SENP7: variants seen among roughly 807,000 people sequenced by gnomAD.
SENP7 encodes SUMO specific peptidase 7.
A neutral mutation model predicts 141.2 loss-of-function variants in SENP7; 64 were observed. The observed-to-expected ratio is 0.45, with a 90% CI of 0.37 to 0.56. The LOEUF (loss-of-function observed/expected upper bound fraction) is 0.56, where lower values mean the gene tolerates loss of function less well. SENP7 is among the 20% of genes least tolerant of loss of function. The pLI is 0.00. For synonymous variants in SENP7, 382 were observed against 426.4 expected (o/e 0.90, Z 1.28); for missense variants, 1,025 against 1,212.2 (o/e 0.85, Z 2.29).
At chr3:101,448,218 A>C (rs995473554) in intron 4 of SENP7, among the ~76,000 whole-genome samples, 3 of 152,214 alleles carry the variant, frequency 2.0e-5, no homozygotes, top group African/African-American at 7.2e-5. Flanking sequence ...CCAAAAGCAC[A>C]GAGACTAAAG....
chr3:101,328,490 TGAAC>T lies in SENP7; in HGVS notation c.2848_2851del (p.Val950ArgfsTer7). On this transcript the variant is annotated frameshift_variant, in exon 22 of 24. Transcript: ENST00000394095. LOFTEE classifies it high-confidence loss of function. ...TGTCATTACTTACTCTCGTAAATTC[TGAAC>T]TGTGTTTTGTACAGAAGCAGCTTTC... The T allele has an allele frequency of 6.2e-7, 1 of 1,612,016 alleles. No homozygotes were observed.
At chr3:101,461,945 A>G (rs2107898814) in intron 3 of SENP7, among the ~76,000 whole-genome samples, 2 of 152,318 alleles carry the variant, frequency 1.3e-5, no homozygotes, top group South Asian at 4.1e-4. Context: ...TTTTTGTGAA[A>G]TATCTAGAAC....
chr3:101,482,655 G>A (rs1253182770), intron 3 of SENP7, among the ~76,000 whole-genome samples: 2 of 152,136 alleles, frequency 1.3e-5, no homozygotes, highest in East Asian at 1.9e-4. Context: ...CAAACTTCAA[G>A]ACTTATTATA....
chr3:101,502,974 G>A (rs1169725619), intron 1 of SENP7, among the ~76,000 whole-genome samples: 6 of 150,404 alleles, frequency 4.0e-5, no homozygotes, highest in Non-Finnish European at 7.4e-5. Flanking sequence ...AGAGTGAAAC[G>A]GCATGTCAAG....
chr3:101,347,170 T>TATGAA (rs913649230), intron 13 of SENP7, among the ~76,000 whole-genome samples: 5 of 151,290 alleles, frequency 3.3e-5, no homozygotes, highest in African/African-American at 1.2e-4. Context: ...TGTGGGAAGC[T>TATGAA]ATGAACATGC....
In SENP7 at chr3:101,403,136, A is replaced by C. The variant is rs2317749; in HGVS notation, c.483-4081T>G. 9.2e-5 allele frequency among the ~76,000 whole-genome samples: 14 copies of C among 152,014 alleles called. No homozygotes were observed. The East Asian group carries it at 2.5e-3, about 27-fold the overall frequency. ...TACGCATATACTTGGAGACAGGGCC[A>C]GTTCAGTTCCAGACCCCCGCCATAA... On this transcript the variant is annotated intron_variant, in intron 5 of 23. Transcript: ENST00000394095.
intron 4 of SENP7, among the ~76,000 whole-genome samples, chr3:101,452,021 G>C (rs2063158012): frequency 6.6e-6 from 1 of 152,104 alleles, no homozygotes; most frequent in Non-Finnish European, 1.5e-5. Flanking sequence ...AAAGTCTCAG[G>C]ATACAAAAAT....
rs77870221 is a variant in SENP7, at chr3:101,343,333, A to G, written c.2106+353T>C. ...GGTGGACTTTGCAATACTCATAAACATAGTGTTCTACTTGTGGTTTTGTAT... is the reference window on the plus strand; with the variant it reads ...GGTGGACTTTGCAATACTCATAAACGTAGTGTTCTACTTGTGGTTTTGTAT... On this transcript the variant is annotated intron_variant, in intron 14 of 23. Transcript: ENST00000394095. Among the ~76,000 whole-genome samples, 20 of 152,320 alleles carry G rather than the reference A, an allele frequency of 1.3e-4. No individual in the cohort carries two copies. The East Asian group carries it at 3.8e-3, about 29-fold the overall frequency.
At chr3:101,423,083 A>G (rs904004720) in intron 4 of SENP7, among the ~76,000 whole-genome samples, 1 of 152,182 alleles carries the variant, frequency 6.6e-6, no homozygotes, top group Non-Finnish European at 1.5e-5. Flanking sequence ...AATTTTATTT[A>G]GAGTATTTCT....
At chr3:101,450,590 G>T (rs1464338369) in intron 4 of SENP7, among the ~76,000 whole-genome samples, 1 of 152,202 alleles carries the variant, frequency 6.6e-6, no homozygotes, top group Non-Finnish European at 1.5e-5. Context: ...CATGGAAACT[G>T]AACAACCTAG....
chr3:101,467,286 T>C (rs1207047808), intron 3 of SENP7, among the ~76,000 whole-genome samples: 1 of 152,232 alleles, frequency 6.6e-6, no homozygotes, highest in African/African-American at 2.4e-5. Context: ...AGACAACTTC[T>C]GCAGATGTAA....
intron 14 of SENP7, 44 bp downstream of exon 14, chr3:101,343,642 T>C: frequency 6.5e-7 from 1 of 1,549,020 alleles, no homozygotes; most frequent in Non-Finnish European, 8.7e-7. Flanking sequence ...AAATGTTTTC[T>C]GAACCTCCCC....
intron 11 of SENP7, 72 bp from the exon 12 acceptor site, chr3:101,351,723 A>G: frequency 1.8e-6 from 2 of 1,120,214 alleles, no homozygotes; most frequent in South Asian, 6.6e-5. Context: ...TTTTTTTTTC[A>G]AATCACAAGT....
chr3:101,342,498 CT>C (rs1559691988), intron 14 of SENP7, among the ~76,000 whole-genome samples: 1 of 152,122 alleles, frequency 6.6e-6, no homozygotes, highest in African/African-American at 2.4e-5. Flanking sequence ...CCAAATTCCC[CT>C]AATCTTATCA....
chr3:101,479,498 T>C (rs995517635), intron 3 of SENP7, among the ~76,000 whole-genome samples: 1 of 151,870 alleles, frequency 6.6e-6, no homozygotes, highest in Non-Finnish European at 1.5e-5. Flanking sequence ...CCCAGCTACT[T>C]GAGAGGCTGA....
At chr3:101,451,475 G>A (rs2063132338) in intron 4 of SENP7, among the ~76,000 whole-genome samples, 2 of 152,140 alleles carry the variant, frequency 1.3e-5, no homozygotes, top group South Asian at 4.1e-4. Flanking sequence ...ATAGAACACT[G>A]GCAAACCGAA....
At chr3:101,397,773 A>G (rs560993621) in intron 6 of SENP7, among the ~76,000 whole-genome samples, 19 of 152,200 alleles carry the variant, frequency 1.2e-4, no homozygotes, top group African/African-American at 4.1e-4. Context: ...GTTTGGGGGG[A>G]AAAAAATTAG....
intron 19 of SENP7, among the ~76,000 whole-genome samples, chr3:101,331,253 GAGGACTGCTTGAGGCC>G (rs1296123400): frequency 6.6e-6 from 1 of 152,052 alleles, no homozygotes; most frequent in African/African-American, 2.4e-5. Context: ...CCTGCGGTGT[GAGGACTGCTTGAGGCC>G]AGGAGTTCCA....
rs1272138441 is a variant in SENP7, at chr3:101,449,974, C to T, written c.284+8981G>A. On this transcript the variant is annotated intron_variant, in intron 4 of 23. Coordinates refer to ENST00000394095, the MANE Select transcript of SENP7 (RefSeq NM_020654.5). ...TGCTATATTCAGGAAACCCATTTCA[C>T]GTGCAGAGACACACATAGGCTCAAA... is the stretch of plus-strand genomic sequence containing the variant. Among the ~76,000 whole-genome samples, 13 of 152,208 alleles carry T rather than the reference C, an allele frequency of 8.5e-5. No individual in the cohort carries two copies. The East Asian group carries it at 1.2e-3, about 14-fold the overall frequency.
Sources: gnomAD v4.1 joint callset for allele counts (sites outside exome capture counted in the v4.1 genomes callset) on GRCh38, gnomAD v4.1.1 for gene constraint, MANE v1.5 for transcripts, NCBI Gene and HGNC (gene_info 2026-07-23, HGNC 2026-07-21) for gene names.